AASS: variants seen among roughly 807,000 people sequenced by gnomAD.
The protein encoded by AASS is aminoadipate-semialdehyde synthase.
AASS carries 86 observed loss-of-function variants against 105.4 expected under a neutral mutation model. That is an observed-to-expected ratio of 0.82 (90% confidence interval 0.69 to 0.98). AASS has a LOEUF of 0.98. AASS is among the 50% of genes least tolerant of loss of function. AASS has a pLI of 0.00. For missense variants in AASS, 1,048 were observed against 1,143.2 expected, an observed-to-expected ratio of 0.92 and a Z score of 1.20; for synonymous variants, 381 against 394.8, an observed-to-expected ratio of 0.96 and a Z score of 0.41.
intron 21 of AASS, 71 bp downstream of exon 21, chr7:122,079,526 C>CT: frequency 1.5e-6 from 2 of 1,334,634 alleles, no homozygotes; most frequent in Non-Finnish European, 2.2e-6. Context: ...AAATATTTAA[C>CT]TTTTTCTGAG....
At chr7:122,140,701 A>G (rs1448779021) in intron 1 of AASS, among the ~76,000 whole-genome samples, 1 of 151,884 alleles carries the variant, frequency 6.6e-6, no homozygotes, top group Non-Finnish European at 1.5e-5. Flanking sequence ...AATGACTCAA[A>G]CCAAAACTAT....
In AASS at chr7:122,078,872, C is replaced by T. The variant is rs745616346; in HGVS notation, c.2475G>A (p.Lys825=). Reference sequence around the variant, plus strand: ...TACTTCATGGCCTACCATAGGAAAGCTTCATGACCAAATGCTTGGAGAGGG... The same window carrying T: ...TACTTCATGGCCTACCATAGGAAAGTTTCATGACCAAATGCTTGGAGAGGG... ...LDALSKHLVM[K]LSYGPEEKDM... The change falls in exon 22 of 24, where the codon AAG becomes AAA. Residue 825 remains lysine (K), a synonymous_variant. Transcript: ENST00000417368. 2.7e-5 allele frequency: 44 copies of T among 1,613,892 alleles called. No individual in the cohort carries two copies. The highest frequency in any genetic ancestry group is 3.5e-5 in the Non-Finnish European group (41 of 1,179,950).
intron 18 of AASS, among the ~76,000 whole-genome samples, chr7:122,088,757 T>C (rs1793753463): frequency 1.3e-5 from 2 of 152,020 alleles, no homozygotes; most frequent in Non-Finnish European, 2.9e-5. Flanking sequence ...TCACTTAGAC[T>C]ACATGTTTTG....
intron 6 of AASS, among the ~76,000 whole-genome samples, chr7:122,117,597 T>G (rs567427218): frequency 1.3e-5 from 2 of 152,192 alleles, no homozygotes; most frequent in East Asian, 3.9e-4. Flanking sequence ...AGAACAGACC[T>G]TTACACTGTT....
chr7:122,133,701 A>G lies in AASS; in HGVS notation c.26T>C (p.Leu9Pro), dbSNP rs1280977000. MLQVHRTG[L>P]GRLGVSLSKG... is the part of the protein sequence containing the mutation. ...GGAGAGGCTGACCCCCAGCCTGCCCAGTCCAGTCCTATGTACTTGCAGCAT... is the reference window on the plus strand; with the variant it reads ...GGAGAGGCTGACCCCCAGCCTGCCCGGTCCAGTCCTATGTACTTGCAGCAT... Residue 9 changes from leucine (L) to proline (P), a missense_variant, in exon 2 of 24, where the codon CTG (leucine) becomes CCG (proline). Coordinates refer to ENST00000417368, the MANE Select transcript of AASS (RefSeq NM_005763.4). The G allele has an allele frequency of 6.2e-7, 1 of 1,614,190 alleles. No homozygotes were observed. The highest frequency in any genetic ancestry group is 2.2e-5 in the East Asian group (1 of 44,868).
chr7:122,109,690 GA>G (rs763778550), intron 11 of AASS, among the ~76,000 whole-genome samples: 1 of 150,282 alleles, frequency 6.7e-6, no homozygotes, highest in Non-Finnish European at 1.5e-5. Context: ...CTAAAACTAT[GA>G]AACTACTAGA....
chr7:122,111,218 T>C (rs1181498631), intron 11 of AASS, among the ~76,000 whole-genome samples: 1 of 152,050 alleles, frequency 6.6e-6, no homozygotes, highest in African/African-American at 2.4e-5. Context: ...AATACACTCA[T>C]AATTAATGAA....
intron 19 of AASS, among the ~76,000 whole-genome samples, chr7:122,085,476 C>T (rs986645815): frequency 6.6e-6 from 1 of 151,770 alleles, no homozygotes; most frequent in East Asian, 1.9e-4. Flanking sequence ...CGTCCGTTTC[C>T]TCCCGCCCCA....
At chr7:122,094,736 G>A (rs1794063931) in intron 15 of AASS, among the ~76,000 whole-genome samples, 1 of 152,000 alleles carries the variant, frequency 6.6e-6, no homozygotes, top group South Asian at 2.1e-4. Context: ...TGAGCTTTGA[G>A]TACAGCATCA....
At chr7:122,125,952 C>A (rs1362224181) in intron 4 of AASS, among the ~76,000 whole-genome samples, 1 of 152,180 alleles carries the variant, frequency 6.6e-6, no homozygotes, top group Non-Finnish European at 1.5e-5. Context: ...TGATCTGAAA[C>A]AGAGCTACAA....
intron 3 of AASS, among the ~76,000 whole-genome samples, chr7:122,128,672 G>A (rs577407297): frequency 9.9e-5 from 15 of 152,272 alleles, no homozygotes; most frequent in African/African-American, 3.1e-4. Flanking sequence ...CACAGCATCA[G>A]CACTGAATAG....
chr7:122,116,658 C>T lies in AASS; in HGVS notation c.869G>A (p.Arg290His), dbSNP rs560418184. Residue 290 changes from arginine to histidine, a missense_variant, in exon 8 of 24, where the codon CGC (arginine) becomes CAC (histidine). Arg to His is a conservative substitution (Grantham distance 29). Coordinates refer to ENST00000417368, the MANE Select transcript of AASS (RefSeq NM_005763.4). ...ATCAGTATTAAAACGACTTATGTAG[C>T]GCTCCGGATGTTTGTCATACTCTGC... ...DPAEYDKHPE[R>H]YISRFNTDIA... 1.2e-5 allele frequency: 19 copies of T among 1,614,012 alleles called. No individual in the cohort carries two copies. Among genetic ancestry groups the T allele is most frequent in the South Asian group, 8.8e-5 (8 of 91,080 alleles).
intron 2 of AASS, among the ~76,000 whole-genome samples, chr7:122,130,502 AT>A (rs1420328798): frequency 6.6e-6 from 1 of 152,022 alleles, no homozygotes; most frequent in Non-Finnish European, 1.5e-5. Flanking sequence ...GAATTATCTC[AT>A]TTAAATTTCA....
intron 1 of AASS, among the ~76,000 whole-genome samples, chr7:122,137,877 T>A (rs1348366131): frequency 1.3e-5 from 2 of 152,092 alleles, no homozygotes; most frequent in East Asian, 3.9e-4. Flanking sequence ...CACCACCAGC[T>A]CTAGTGAGGT....
chr7:122,136,729 C>A (rs968211185), intron 1 of AASS, among the ~76,000 whole-genome samples: 2 of 152,152 alleles, frequency 1.3e-5, no homozygotes, highest in South Asian at 2.1e-4. Flanking sequence ...TGACTACATA[C>A]CCCTGTAACT....
intron 1 of AASS, among the ~76,000 whole-genome samples, chr7:122,134,652 T>C (rs1427506761): frequency 6.6e-6 from 1 of 152,182 alleles, no homozygotes; most frequent in Non-Finnish European, 1.5e-5. Context: ...CCTCAACAGA[T>C]TGGAAATTTA....
chr7:122,119,839 G>C (rs1364768389), intron 4 of AASS, among the ~76,000 whole-genome samples: 1 of 152,092 alleles, frequency 6.6e-6, no homozygotes, highest in Non-Finnish European at 1.5e-5. Context: ...CTCAGTATAT[G>C]CAGGGGGTTC....
intron 19 of AASS, chr7:122,082,971 A>AATTGG: frequency 1.1e-6 from 1 of 882,862 alleles, no homozygotes; most frequent in East Asian, 6.2e-5. Flanking sequence ...TTTATTCCCC[A>AATTGG]GTGTGCAAAT....
intron 18 of AASS, among the ~76,000 whole-genome samples, chr7:122,087,678 A>C (rs1793691844): frequency 6.6e-6 from 1 of 152,194 alleles, no homozygotes; most frequent in South Asian, 2.1e-4. Context: ...CCTGAGCGAC[A>C]CAGCAAGACA....
Sources: allele counts gnomAD v4.1 joint callset (sites outside exome capture counted in the v4.1 genomes callset), GRCh38; gene constraint gnomAD v4.1.1; transcripts MANE v1.5; gene names NCBI Gene and HGNC (gene_info 2026-07-23, HGNC 2026-07-21).